The following RNF17 variants were observed in gnomAD, a reference collection of about 807,000 sequenced individuals.
RNF17 encodes the protein spermatogenesis associated 23.
In RNF17, 31 loss-of-function variants were observed where a neutral mutation model predicts 200.5. The ratio of observed to expected loss-of-function variants is 0.15; its 90% CI spans 0.12 to 0.21. The LOEUF (loss-of-function observed/expected upper bound fraction) is 0.21. RNF17 is among the 10% of genes least tolerant of loss of function. The probability of loss-of-function intolerance (pLI) is 1.00; values close to 1 mark genes in which losing one functional copy is unlikely to be tolerated. For synonymous variants in RNF17, 606 were observed against 637.8 expected, an observed-to-expected ratio of 0.95 and a Z score of 0.75; for missense variants, 1,628 against 1,905.1, an observed-to-expected ratio of 0.85 and a Z score of 2.71.
downstream of RNF17, chr13:24,879,988 G>C (rs748098351): frequency 6.6e-6 from 1 of 152,074 alleles, no homozygotes; most frequent in Non-Finnish European, 1.5e-5. Context: ...AAAAAATTTA[G>C]TTCATTTTAT....
At chr13:24,806,555 T>A (rs1885869102) in intron 15 of RNF17, among the ~76,000 whole-genome samples, 1 of 152,224 alleles carries the variant, frequency 6.6e-6, no homozygotes, top group Non-Finnish European at 1.5e-5. Flanking sequence ...CATTGTGGTT[T>A]TGATTTGCAT....
chr13:24,887,413 C>T, the RNF17 span, among the ~76,000 whole-genome samples: 4 of 152,196 alleles, frequency 2.6e-5, no homozygotes, highest in African/African-American at 2.4e-5. Context: ...CCCCATCACT[C>T]GCATTACCAC....
At position 24,789,433 on chromosome 13, in the gene RNF17, G is replaced by C. The variant is rs200703736; in HGVS notation, c.860+9G>C. The C allele has an allele frequency of 1.2e-5, 18 of 1,563,668 alleles. No homozygotes were observed. Among genetic ancestry groups the C allele is most frequent in the Admixed American group, 3.3e-5 (2 of 59,794 alleles). On this transcript the variant is annotated intron_variant, in intron 8 of 35. Transcript: ENST00000255324. ...CTAAGGAACCCTCCCAGGTAAGTAA[G>C]TCATAGTTCAGGAGACCATAACAAG...
At chr13:24,794,525 C>T (rs1248381836) in intron 10 of RNF17, among the ~76,000 whole-genome samples, 1 of 151,942 alleles carries the variant, frequency 6.6e-6, no homozygotes, top group East Asian at 1.9e-4. Flanking sequence ...AGTACAAAAA[C>T]ATAAGTGAGT....
intron 19 of RNF17, 126 bp downstream of exon 19, chr13:24,842,287 C>A: frequency 1.3e-6 from 1 of 761,464 alleles, no homozygotes; most frequent in East Asian, 3.2e-5. Context: ...GAGAATTTTC[C>A]CTGTCCTGGA....
chr13:24,782,821 T>A (rs1177066995), intron 6 of RNF17, among the ~76,000 whole-genome samples: 1 of 152,222 alleles, frequency 6.6e-6, no homozygotes, highest in Non-Finnish European at 1.5e-5. Flanking sequence ...TTTTTGTCTA[T>A]ATGACTTACA....
rs1197458174 is a variant in RNF17, at chr13:24,850,457, A to G, written c.3204+14A>G. The G allele has an allele frequency of 6.8e-7, 1 of 1,480,904 alleles. No homozygotes were observed. The highest frequency in any genetic ancestry group is 1.1e-5 in the South Asian group (1 of 87,214). The allele number at this position is 1,480,904 out of a possible 1,614,324, so 91.7% of individuals were successfully genotyped here. On this transcript the variant is annotated intron_variant, in intron 23 of 35. Coordinates refer to ENST00000255324, the MANE Select transcript of RNF17 (RefSeq NM_031277.3). Reference sequence around the variant, plus strand: ...GTGGATAGTGAGGTAACAAGTTACAAGAGATATGTGCTGATGATCTCATTA... The same window carrying G: ...GTGGATAGTGAGGTAACAAGTTACAGGAGATATGTGCTGATGATCTCATTA...
the RNF17 span, among the ~76,000 whole-genome samples, chr13:24,758,377 T>A: frequency 1.3e-5 from 2 of 152,208 alleles, no homozygotes; most frequent in Non-Finnish European, 2.9e-5. Context: ...TTTATGATGA[T>A]AGACATCATG....
intron 23 of RNF17, 36 bp downstream of exon 23, chr13:24,850,479 A>C (rs760159677): frequency 1.9e-5 from 24 of 1,249,930 alleles, no homozygotes; most frequent in South Asian, 2.6e-5. Flanking sequence ...TGATGATCTC[A>C]TTAATGTTTC....
chr13:24,873,225 A>G (rs1894485010), intron 32 of RNF17, among the ~76,000 whole-genome samples: 1 of 152,184 alleles, frequency 6.6e-6, no homozygotes, highest in African/African-American at 2.4e-5. Context: ...AATATGAGCT[A>G]ATAAGTCTTA....
chr13:24,847,825 CT>C (rs1566218473), intron 22 of RNF17, among the ~76,000 whole-genome samples: 2 of 152,066 alleles, frequency 1.3e-5, no homozygotes, highest in Non-Finnish European at 2.9e-5. Flanking sequence ...TTTCAGTGCC[CT>C]GGAATGGAAG....
At chr13:24,862,885 G>A in intron 28 of RNF17, 92 bp downstream of exon 28, 1 of 676,232 alleles carries the variant, frequency 1.5e-6, no homozygotes, top group Non-Finnish European at 2.5e-6. Context: ...GATAAGCAAT[G>A]GTATATACCT....
chr13:24,858,941 A>T, intron 25 of RNF17, 60 bp from the exon 26 acceptor site: 1 of 1,082,326 alleles, frequency 9.2e-7, no homozygotes, highest in Non-Finnish European at 1.3e-6. Context: ...TGAAGTTATT[A>T]AATTGACAAA....
intron 16 of RNF17, among the ~76,000 whole-genome samples, chr13:24,829,771 T>C (rs1889183117): frequency 6.6e-6 from 1 of 152,248 alleles, no homozygotes; most frequent in African/African-American, 2.4e-5. Context: ...TAAAAACTTC[T>C]CTGTGTTTGA....
intron 4 of RNF17, 68 bp from the exon 5 acceptor site, chr13:24,779,599 T>C (rs1374106865): frequency 1.6e-6 from 2 of 1,258,266 alleles, no homozygotes; most frequent in Non-Finnish European, 2.3e-6. Flanking sequence ...TTTGCAACTA[T>C]AATATATATA....
chr13:24,874,076 AAGAC>A lies in RNF17; in HGVS notation c.4448-36_4448-33del, dbSNP rs567540509. On this transcript the variant is annotated intron_variant, in intron 32 of 35. Transcript: ENST00000255324. ...CCTTTGGATTAAAAAAATTTAATGA[AAGAC>A]AATATGATTTTTTCCCTTTTTCTGT... 327 of 1,598,750 alleles carry A rather than the reference AAGAC, an allele frequency of 2.0e-4. 1 individual carries two copies. In the African/African-American group the frequency reaches 3.8e-3, roughly 18 times the overall value.
chr13:24,788,304 A>G (rs1273362101), intron 7 of RNF17, 145 bp downstream of exon 7: 5 of 527,262 alleles, frequency 9.5e-6, no homozygotes, highest in Non-Finnish European at 1.6e-5. Flanking sequence ...AATATAGGTT[A>G]GGATAGTCTA....
intron 17 of RNF17, among the ~76,000 whole-genome samples, 174 bp from the exon 18 acceptor site, chr13:24,831,684 T>C (rs1313912575): frequency 1.3e-5 from 2 of 152,250 alleles, no homozygotes; most frequent in African/African-American, 4.8e-5. Flanking sequence ...CTGATTTCAA[T>C]GATTTGTGTT....
At position 24,778,368 on chromosome 13, in the gene RNF17, A is replaced by G; in HGVS notation, c.391A>G (p.Thr131Ala). 6.2e-7 allele frequency: 1 copy of G among 1,613,792 alleles called. No homozygotes were observed. Among genetic ancestry groups the G allele is most frequent in the Non-Finnish European group, 8.5e-7 (1 of 1,179,662 alleles). ...LTTGLERSAS[T>A]DKTLLNSSAV... Reference sequence around the variant, plus strand: ...TACTGGTTTAGAACGTTCAGCCTCCACAGACAAGACTCTTTTGAACTCATC... The same window carrying G: ...TACTGGTTTAGAACGTTCAGCCTCCGCAGACAAGACTCTTTTGAACTCATC... The change falls in exon 4 of 36, where the codon ACA becomes GCA. Residue 131 changes from threonine (T) to alanine (A), a missense_variant. Around this residue, in one of 5 missense-constraint regions of RNF17, gnomAD observed 502 missense variants for 501.7 expected, o/e 1.00. Coordinates refer to ENST00000255324, the MANE Select transcript of RNF17 (RefSeq NM_031277.3).
Sources: allele counts gnomAD v4.1 joint callset (sites outside exome capture counted in the v4.1 genomes callset), GRCh38; gene constraint gnomAD v4.1.1; regional missense constraint gnomAD v4.1.1; transcripts MANE v1.5; gene names NCBI Gene and HGNC (gene_info 2026-07-23, HGNC 2026-07-21).